The following IRAG2 variants were observed in gnomAD, a reference collection of about 807,000 sequenced individuals.
The protein encoded by IRAG2 is lymphoid restricted membrane protein.
A neutral mutation model predicts 69.9 loss-of-function variants in IRAG2; 45 were observed. The ratio of observed to expected loss-of-function variants is 0.64; its 90% CI spans 0.51 to 0.83. The LOEUF (loss-of-function observed/expected upper bound fraction) is 0.83, where lower values mean the gene tolerates loss of function less well. IRAG2 is among the 40% of genes least tolerant of loss of function. The pLI, the probability that IRAG2 is intolerant of heterozygous loss-of-function variation, is 0.00. For missense variants in IRAG2, 520 were observed against 587.0 expected, an observed-to-expected ratio of 0.89 and a Z score of 1.18; for synonymous variants, 193 against 202.4, an observed-to-expected ratio of 0.95 and a Z score of 0.40.
chr12:25,011,909 T>C (rs1426897337), intron 3 of IRAG2, among the ~76,000 whole-genome samples: 1 of 152,202 alleles, frequency 6.6e-6, no homozygotes. Context: ...GAATTATTGA[T>C]ACTATCAAAT....
chr12:25,074,613 C>A (rs1946556306), intron 6 of IRAG2, among the ~76,000 whole-genome samples: 1 of 152,098 alleles, frequency 6.6e-6, no homozygotes, highest in South Asian at 2.1e-4. Flanking sequence ...ACGCAAAATA[C>A]CTGAATCATA....
intron 6 of IRAG2, chr12:25,020,706 C>T (rs1944571495): frequency 1.8e-6 from 1 of 556,300 alleles, no homozygotes; most frequent in Non-Finnish European, 2.7e-6. Flanking sequence ...CAACTTGGGT[C>T]CAAAATAGTC....
intron 16 of IRAG2, among the ~76,000 whole-genome samples, chr12:25,039,440 C>T (rs1944729324): frequency 6.6e-6 from 1 of 151,948 alleles, no homozygotes; most frequent in South Asian, 2.1e-4. Context: ...CAACATTCTT[C>T]TTTTTTTTGA....
intron 9 of IRAG2, chr12:25,026,908 C>G: frequency 1.0e-6 from 1 of 989,824 alleles, no homozygotes; most frequent in Non-Finnish European, 1.3e-6. Flanking sequence ...TTTTTTCTGT[C>G]AAACCAGTAT....
chr12:25,038,042 CAA>C lies in IRAG2; in HGVS notation c.2051_2052del (p.Lys684ArgfsTer4). The C allele has an allele frequency of 5.0e-6, 2 of 398,850 alleles. No individual in the cohort carries two copies. The highest frequency in any genetic ancestry group is 4.4e-5 in the Admixed American group (1 of 22,722). 24.7% of individuals were successfully genotyped at this position (398,850 alleles called of 1,614,324 possible). On this transcript the variant is annotated frameshift_variant, in exon 16 of 39. Transcript: ENST00000636465. LOFTEE classifies it high-confidence loss of function. ...TAATGCTGAACATCTTGGGAAACCA[CAA>C]AGAGTCTCTTGATAAAGAATTTGCC...
rs1591931457 is a variant in IRAG2 at position 25,031,102 on chromosome 12, G to A, written c.1518+768G>A. 8.2e-6 allele frequency: 8 copies of A among 981,008 alleles called. No individual in the cohort carries two copies. The South Asian group carries it at 3.8e-4, about 46-fold the overall frequency. The allele number at this position is 981,008 out of a possible 1,614,324, so 60.8% of individuals were successfully genotyped here. A position where few individuals can be genotyped will look rare whatever the true frequency, so the allele number is the denominator to read the frequency against. ...ATCTTCCACAGTCCAAAACAGAGAA[G>A]TGAAGAAAGAATGATATTTGCCACT... On this transcript the variant is annotated intron_variant, in intron 10 of 38. Coordinates refer to the IRAG2 transcript ENST00000636465.
At chr12:25,104,883 ATCTT>A (rs892849232) in intron 20 of IRAG2, among the ~76,000 whole-genome samples, 1 of 147,474 alleles carries the variant, frequency 6.8e-6, no homozygotes, top group African/African-American at 2.5e-5. Flanking sequence ...ACATCTATCT[ATCTT>A]CCATTTATGT....
intron 10 of IRAG2, among the ~76,000 whole-genome samples, chr12:25,085,228 A>G (rs1033643125): frequency 5.3e-5 from 8 of 152,258 alleles, no homozygotes; most frequent in Non-Finnish European, 5.9e-5. Flanking sequence ...TCAGTGTCCC[A>G]AAAGAATCAG....
At position 25,107,052 on chromosome 12, in the gene IRAG2, T is replaced by TAA; in HGVS notation, c.1256+3_1256+4dup. 1 of 1,517,052 alleles carries TAA rather than the reference T, an allele frequency of 6.6e-7. No individual in the cohort carries two copies. The highest frequency in any genetic ancestry group is 9.1e-7 in the Non-Finnish European group (1 of 1,099,008). The allele number at this position is 1,517,052 out of a possible 1,614,324, so 94.0% of individuals were successfully genotyped here. On this transcript the variant is annotated splice_region_variant and intron_variant, in intron 21 of 21. Transcript: ENST00000556887. ...ATCAAAGTGGGATGTCTCTTCAGTG[T>TAA]AAGTTATCTACTTGATAAATTCTAC...
intron 6 of IRAG2, chr12:25,020,711 A>T: frequency 3.3e-6 from 2 of 610,746 alleles, no homozygotes; most frequent in Non-Finnish European, 4.7e-6. Flanking sequence ...TGGGTCCAAA[A>T]TAGTCCTTGG....
At chr12:25,054,444 T>C (rs1359588222) in intron 1 of IRAG2, among the ~76,000 whole-genome samples, 2 of 152,192 alleles carry the variant, frequency 1.3e-5, no homozygotes, top group African/African-American at 4.8e-5. Flanking sequence ...TTGTTCCCCT[T>C]CCTCACTGTG....
chr12:25,102,712 A>G (rs1948826139), intron 17 of IRAG2: 1 of 154,432 alleles, frequency 6.5e-6, no homozygotes, highest in South Asian at 2.0e-4. Context: ...ACCCCCTAGA[A>G]GTCCAAAGTA....
At chr12:25,057,433 A>AT (rs909653640) in intron 1 of IRAG2, among the ~76,000 whole-genome samples, 1 of 151,078 alleles carries the variant, frequency 6.6e-6, no homozygotes, top group Non-Finnish European at 1.5e-5. Context: ...TAATTTTTAA[A>AT]TTTTTTGTAG....
At chr12:25,092,400 C>CAAAAA (rs776677425) in intron 14 of IRAG2, among the ~76,000 whole-genome samples, 2 of 117,362 alleles carry the variant, frequency 1.7e-5, no homozygotes, top group African/African-American at 3.3e-5. Flanking sequence ...AACTCCATCT[C>CAAAAA]AAAAAAAAAA....
At chr12:25,034,832 C>G (rs61914763) in intron 13 of IRAG2, among the ~76,000 whole-genome samples, 2,691 of 152,360 alleles carry the variant, frequency 0.018, 44 homozygotes, top group Non-Finnish European at 0.03. Context: ...CTGCCTTCAT[C>G]TGAAGCCATC....
intron 6 of IRAG2, among the ~76,000 whole-genome samples, chr12:25,075,001 T>C (rs906523526): frequency 9.9e-5 from 15 of 152,184 alleles, no homozygotes; most frequent in South Asian, 6.2e-4. Context: ...AGTTGCAAAA[T>C]TGGAACATGT....
In IRAG2 at chr12:25,017,172, A is replaced by AT; in HGVS notation, c.1097dup (p.Asn367GlnfsTer6). ...TTGATTGCCTACGTAGCAGACCTTC[A>AT]TTTCAACAAAAGAAAACTTGAGGAA... On this transcript the variant is annotated frameshift_variant, in exon 6 of 39. Coordinates refer to the IRAG2 transcript ENST00000636465. LOFTEE classifies it high-confidence loss of function. 8.1e-7 allele frequency: 1 copy of AT among 1,232,080 alleles called. No homozygotes were observed. The allele number at this position is 1,232,080 out of a possible 1,614,324, so 76.3% of individuals were successfully genotyped here. A position where few individuals can be genotyped will look rare whatever the true frequency, so the allele number is the denominator to read the frequency against.
At position 25,066,530 on chromosome 12, in the gene IRAG2, T is replaced by C. The variant is rs1175978610; in HGVS notation, c.-59+18T>C. On this transcript the variant is annotated intron_variant, in intron 5 of 21. Coordinates refer to ENST00000556887, the MANE Select transcript of IRAG2 (RefSeq NM_001366544.2). ...CAACACAAGTAGGTTAAGAGCAAAATTTACTTACTCTACTCCTCATGGGTG... is the reference window on the plus strand; with the variant it reads ...CAACACAAGTAGGTTAAGAGCAAAACTTACTTACTCTACTCCTCATGGGTG... The C allele has an allele frequency of 7.5e-6, 3 of 401,080 alleles. No individual in the cohort carries two copies. Among genetic ancestry groups the C allele is most frequent in the Admixed American group, 4.4e-5 (1 of 22,712 alleles). 24.8% of individuals were successfully genotyped at this position (401,080 alleles called of 1,614,324 possible).
chr12:25,079,514 C>A, intron 8 of IRAG2, 52 bp downstream of exon 8: 1 of 1,515,010 alleles, frequency 6.6e-7, no homozygotes, highest in South Asian at 1.1e-5. Context: ...TTACAGCTTT[C>A]AGCCTGATGT....
Sources: allele counts gnomAD v4.1 joint callset (sites outside exome capture counted in the v4.1 genomes callset), GRCh38; gene constraint gnomAD v4.1.1; transcripts MANE v1.5; gene names NCBI Gene and HGNC (gene_info 2026-07-23, HGNC 2026-07-21).